Variants in WDR44 observed in about 807,000 individuals in gnomAD.
WDR44 encodes the protein WD repeat domain 44.
WDR44 carries 9 observed loss-of-function variants against 65.7 expected under a neutral mutation model. The ratio of observed to expected loss-of-function variants is 0.14; its 90% CI spans 0.08 to 0.24. WDR44 has a LOEUF of 0.24. Ranked by LOEUF, WDR44 falls within the 10% of genes least tolerant of loss-of-function variation. The pLI, the probability that WDR44 is intolerant of heterozygous loss-of-function variation, is 1.00. For synonymous variants in WDR44, 220 were observed against 235.2 expected, an observed-to-expected ratio of 0.94 and a Z score of 0.59; for missense variants, 425 against 670.9, an observed-to-expected ratio of 0.63 and a Z score of 4.05.
intron 12 of WDR44, among the ~76,000 whole-genome samples, chrX:118,430,210 T>C (rs2057196849): frequency 9.2e-6 from 1 of 108,580 alleles, no homozygotes; most frequent in African/African-American, 3.3e-5. Context: ...TTTTTTTTGT[T>C]CTCCGAATTG....
chrX:118,364,826 AG>A (rs919244934), intron 1 of WDR44, among the ~76,000 whole-genome samples: 10 of 112,428 alleles, frequency 8.9e-5, no homozygotes, highest in Non-Finnish European at 1.5e-4. Flanking sequence ...TTCTAAACTC[AG>A]GTTGTTACTG....
intron 12 of WDR44, among the ~76,000 whole-genome samples, chrX:118,412,518 T>A (rs2057020825): frequency 9.0e-6 from 1 of 110,870 alleles, no homozygotes; most frequent in Admixed American, 9.7e-5. Context: ...TTACTTCCGA[T>A]TTTGATGATT....
At chrX:118,373,864 T>C (rs1328452480) in intron 1 of WDR44, among the ~76,000 whole-genome samples, 1 of 112,273 alleles carries the variant, frequency 8.9e-6, no homozygotes, top group Non-Finnish European at 1.9e-5. Context: ...CCAAAGAAGC[T>C]AAAACATGTC....
intron 1 of WDR44, among the ~76,000 whole-genome samples, chrX:118,377,723 C>CTTT (rs1189608732): frequency 4.0e-3 from 312 of 78,730 alleles, no homozygotes; most frequent in East Asian, 7.1e-3. Flanking sequence ...TCTTCTCTCT[C>CTTT]TTTTTTTTTT....
intron 19 of WDR44, among the ~76,000 whole-genome samples, chrX:118,445,579 A>G (rs749050826): frequency 1.8e-5 from 2 of 112,424 alleles, no homozygotes; most frequent in Non-Finnish European, 3.8e-5. Flanking sequence ...ACAAGTTAAC[A>G]GCTTCTTGAG....
intron 3 of WDR44, among the ~76,000 whole-genome samples, chrX:118,388,008 C>G (rs1257414202): frequency 9.0e-6 from 1 of 111,494 alleles, no homozygotes; most frequent in Non-Finnish European, 1.9e-5. Context: ...TTTCCAGAGG[C>G]TAACAAAATG....
At chrX:118,429,160 G>A in intron 12 of WDR44, among the ~76,000 whole-genome samples, 1 of 111,063 alleles carries the variant, frequency 9.0e-6, no homozygotes, top group Non-Finnish European at 1.9e-5. Context: ...ACACGTTTAT[G>A]TAAGAAACCT....
intron 8 of WDR44, among the ~76,000 whole-genome samples, chrX:118,402,458 A>AAAAAAAAAAG (rs547508565): frequency 1.2e-5 from 1 of 85,369 alleles, no homozygotes. Flanking sequence ...AAAAAAAAAA[A>AAAAAAAAAAG]ACATTCAGGA....
intron 15 of WDR44, 104 bp downstream of exon 15, chrX:118,441,663 CTAAA>C: frequency 1.6e-6 from 1 of 633,828 alleles, no homozygotes; most frequent in Non-Finnish European, 2.3e-6. Flanking sequence ...TGCATTTTCT[CTAAA>C]TAGAGACAAA....
chrX:118,377,653 T>C (rs2056673136), intron 1 of WDR44, among the ~76,000 whole-genome samples: 1 of 109,859 alleles, frequency 9.1e-6, no homozygotes. Flanking sequence ...TATGTACATA[T>C]GAAGATAAAA....
At chrX:118,410,245 C>T (rs1418652504) in intron 11 of WDR44, among the ~76,000 whole-genome samples, 1 of 111,226 alleles carries the variant, frequency 9.0e-6, no homozygotes, top group East Asian at 2.8e-4. Flanking sequence ...AGTAAGGCTG[C>T]AAACGAGAAG....
chrX:118,391,243 A>T (rs2056817636), intron 3 of WDR44, among the ~76,000 whole-genome samples: 1 of 111,735 alleles, frequency 8.9e-6, no homozygotes, highest in Admixed American at 9.6e-5. Context: ...CTCTTATTCA[A>T]TCTCAAATCC....
At chrX:118,445,960 G>A (rs1472499677) in intron 19 of WDR44, among the ~76,000 whole-genome samples, 2 of 108,013 alleles carry the variant, frequency 1.9e-5, no homozygotes, top group Non-Finnish European at 3.8e-5. Context: ...AACCAGGGAG[G>A]TGGAGGTTGC....
chrX:118,385,684 G>A (rs2056760550), intron 2 of WDR44, among the ~76,000 whole-genome samples: 1 of 111,714 alleles, frequency 9.0e-6, no homozygotes, highest in Admixed American at 9.5e-5. Context: ...ATAGGATAAT[G>A]TGATAGAAAG....
intron 1 of WDR44, among the ~76,000 whole-genome samples, chrX:118,358,485 T>C (rs2056483060): frequency 8.9e-6 from 1 of 111,778 alleles, no homozygotes; most frequent in African/African-American, 3.3e-5. Flanking sequence ...GACGGATCAC[T>C]TGAAGCCAGG....
chrX:118,352,376 A>G (rs1385529983), intron 1 of WDR44, among the ~76,000 whole-genome samples: 2 of 33,914 alleles, frequency 5.9e-5, no homozygotes, highest in Admixed American at 8.6e-4. Flanking sequence ...TTTTTTTTGT[A>G]GAGATGGGGT....
chrX:118,384,097 C>T (rs1167964807), intron 2 of WDR44, among the ~76,000 whole-genome samples: 1 of 109,082 alleles, frequency 9.2e-6, no homozygotes, highest in Non-Finnish European at 1.9e-5. Context: ...AGGCTGGTCT[C>T]AAACTCCGGG....
chrX:118,395,873 A>G (rs1414893285), intron 6 of WDR44, among the ~76,000 whole-genome samples: 2 of 110,047 alleles, frequency 1.8e-5, no homozygotes, highest in African/African-American at 6.6e-5. Context: ...AAATACAAAA[A>G]TTAGCCAGGC....
chrX:118,400,321 A>G (rs2056900953), intron 8 of WDR44, among the ~76,000 whole-genome samples: 1 of 111,434 alleles, frequency 9.0e-6, no homozygotes. Context: ...CCTGCAATGC[A>G]TTAGAAAGGC....
Sources: gnomAD v4.1 joint callset for allele counts (sites outside exome capture counted in the v4.1 genomes callset) on GRCh38, gnomAD v4.1.1 for gene constraint, MANE v1.5 for transcripts, NCBI Gene and HGNC (gene_info 2026-07-23, HGNC 2026-07-21) for gene names.